Variants in FRYL observed in about 807,000 individuals in gnomAD.
FRYL encodes FRY like transcription coactivator, also known as protein furry homolog-like.
In FRYL, 150 loss-of-function variants were observed where a neutral mutation model predicts 351.2. That is an observed-to-expected ratio of 0.43 (90% CI 0.37 to 0.49). FRYL has a LOEUF of 0.49. FRYL is among the 20% of genes least tolerant of loss of function. FRYL has a pLI of 0.00. For missense variants in FRYL, 3,036 were observed against 3,619.3 expected (o/e 0.84, Z 4.13); for synonymous variants, 1,153 against 1,257.1 (o/e 0.92, Z 1.75).
At chr4:48,725,379 G>A (rs778176185) in intron 1 of FRYL, among the ~76,000 whole-genome samples, 23 of 152,144 alleles carry the variant, frequency 1.5e-4, no homozygotes, top group Non-Finnish European at 2.4e-4. Flanking sequence ...ATACAATCTC[G>A]TGTCAAGCTC....
At chr4:48,675,212 C>T (rs2149519175) in intron 3 of FRYL, among the ~76,000 whole-genome samples, 1 of 152,366 alleles carries the variant, frequency 6.6e-6, no homozygotes, top group Middle Eastern at 3.4e-3. Flanking sequence ...CTCTCGGCAC[C>T]TCCTCTGCCT....
intron 28 of FRYL, among the ~76,000 whole-genome samples, chr4:48,566,285 T>C (rs1736766533): frequency 6.6e-6 from 1 of 152,186 alleles, no homozygotes; most frequent in Admixed American, 6.5e-5. Flanking sequence ...ACACCAAAGT[T>C]TGAAAACCAC....
At chr4:48,631,557 C>G (rs1423969916) in intron 4 of FRYL, among the ~76,000 whole-genome samples, 2 of 151,870 alleles carry the variant, frequency 1.3e-5, no homozygotes, top group Non-Finnish European at 2.9e-5. Flanking sequence ...GAGTACCCAC[C>G]ACCACAAGCA....
At chr4:48,699,016 A>T (rs767477293) in intron 2 of FRYL, among the ~76,000 whole-genome samples, 13 of 152,158 alleles carry the variant, frequency 8.5e-5, no homozygotes, top group African/African-American at 3.1e-4. Context: ...TGCTTCACAT[A>T]TGTTACTTCA....
At chr4:48,776,232 C>T (rs1454619497) in intron 1 of FRYL, among the ~76,000 whole-genome samples, 2 of 151,498 alleles carry the variant, frequency 1.3e-5, no homozygotes, top group African/African-American at 4.8e-5. Context: ...AAGCCATCTT[C>T]CCGCCTCAGC....
chr4:48,716,901 A>T (rs1477185556), intron 1 of FRYL, among the ~76,000 whole-genome samples: 1 of 151,312 alleles, frequency 6.6e-6, no homozygotes, highest in Non-Finnish European at 1.5e-5. Flanking sequence ...GACTGGATTA[A>T]GAAAATGTGG....
intron 1 of FRYL, among the ~76,000 whole-genome samples, chr4:48,714,905 A>G (rs1230725479): frequency 6.7e-6 from 1 of 149,136 alleles, no homozygotes; most frequent in East Asian, 2.0e-4. Flanking sequence ...CCAGCAGCAC[A>G]TCAAAAAGCT....
intron 36 of FRYL, 121 bp downstream of exon 36, chr4:48,553,094 T>G: frequency 1.6e-6 from 1 of 622,886 alleles, no homozygotes; most frequent in Non-Finnish European, 2.7e-6. Context: ...TAAATTTTAT[T>G]GTATATATCT....
At chr4:48,768,295 A>G (rs1399444624) in intron 1 of FRYL, among the ~76,000 whole-genome samples, 5 of 152,244 alleles carry the variant, frequency 3.3e-5, no homozygotes, top group Admixed American at 6.5e-5. Flanking sequence ...TTTTACAAAG[A>G]AGGACAGATT....
Position 48,586,624 on chromosome 4 carries a change from G to A in FRYL, c.1745C>T (p.Ala582Val). 2 of 1,597,784 alleles carry A rather than the reference G, an allele frequency of 1.3e-6. No individual in the cohort carries two copies. Among genetic ancestry groups the A allele is most frequent in the Non-Finnish European group, 1.7e-6 (2 of 1,165,814 alleles). Residue 582 changes from alanine to valine, a missense_variant, in exon 19 of 64, where the codon GCA (alanine) becomes GTA (valine). By Grantham distance (64) the Ala-to-Val change is moderately conservative (BLOSUM62 0). Coordinates refer to ENST00000358350, the MANE Select transcript of FRYL (RefSeq NM_015030.2). ...MSRTDLIELL[A>V]RLTIHMDEEL... Reference sequence around the variant, plus strand: ...GCAAACAGTAATTCTCATTTACCTTGCTAACAATTCAATCAGGTCAGTTCT... The same window carrying A: ...GCAAACAGTAATTCTCATTTACCTTACTAACAATTCAATCAGGTCAGTTCT...
intron 13 of FRYL, among the ~76,000 whole-genome samples, chr4:48,596,247 A>G (rs1483049613): frequency 1.3e-5 from 2 of 152,146 alleles, no homozygotes; most frequent in African/African-American, 4.8e-5. Flanking sequence ...CTTATTAAAT[A>G]AAATTATACT....
intron 1 of FRYL, among the ~76,000 whole-genome samples, chr4:48,722,145 G>A (rs1769548753): frequency 6.6e-6 from 1 of 152,080 alleles, no homozygotes; most frequent in African/African-American, 2.4e-5. Context: ...AACTTTACCC[G>A]AGGAATTGTT....
intron 44 of FRYL, among the ~76,000 whole-genome samples, chr4:48,542,646 T>C (rs1172655072): frequency 6.6e-6 from 1 of 152,106 alleles, no homozygotes; most frequent in Admixed American, 6.5e-5. Flanking sequence ...GAACTCTTGA[T>C]CTCAGGTGAT....
intron 45 of FRYL, 135 bp from the exon 46 acceptor site, chr4:48,541,095 T>C: frequency 2.4e-6 from 2 of 819,200 alleles, no homozygotes; most frequent in Non-Finnish European, 3.6e-6. Flanking sequence ...CTTTGTTGAA[T>C]CAAATTTCAG....
Position 48,527,548 on chromosome 4 carries a change from T to A in FRYL, c.7246A>T (p.Asn2416Tyr). 1.2e-6 allele frequency: 2 copies of A among 1,613,376 alleles called. No individual in the cohort carries two copies. Among genetic ancestry groups the A allele is most frequent in the Non-Finnish European group, 1.7e-6 (2 of 1,179,534 alleles). ...ACACCAAACTGTTGTTCACTGCTAT[T>A]ATCTTCCACAGCTACTTCTTCCTCT... ...NQEEEVAVED[N>Y]SSEQQFGVFK... Residue 2416 changes from asparagine (N) to tyrosine (Y), a missense_variant, in exon 53 of 64, where the codon AAT becomes TAT. Around this residue, in one of 7 missense-constraint regions of FRYL, gnomAD observed 1,987 missense variants for 2,311.7 expected, o/e 0.86. Transcript: ENST00000358350.
chr4:48,573,272 A>C, intron 25 of FRYL, 29 bp from the exon 26 acceptor site: 1 of 1,398,854 alleles, frequency 7.1e-7, no homozygotes, highest in Non-Finnish European at 1.0e-6. Context: ...ATATTCTATT[A>C]ATAGCTACAC....
intron 38 of FRYL, 190 bp downstream of exon 38, chr4:48,550,402 A>T: frequency 1.9e-6 from 1 of 537,676 alleles, no homozygotes. Context: ...CCAGTGCTTT[A>T]AAAAAAATTT....
intron 16 of FRYL, among the ~76,000 whole-genome samples, chr4:48,591,664 A>G (rs1397058577): frequency 2.0e-5 from 3 of 152,080 alleles, no homozygotes. Context: ...TAAATGTTAG[A>G]CTGCTTCAAG....
intron 27 of FRYL, among the ~76,000 whole-genome samples, chr4:48,569,973 T>C (rs541503210): frequency 6.6e-6 from 1 of 152,268 alleles, no homozygotes; most frequent in Admixed American, 6.5e-5. Context: ...CCACTATTCC[T>C]GGCTGATTGT....
Sources: gnomAD v4.1 joint callset for allele counts (sites outside exome capture counted in the v4.1 genomes callset) on GRCh38, gnomAD v4.1.1 for gene constraint, gnomAD v4.1.1 regional missense constraint, MANE v1.5 for transcripts, NCBI Gene and HGNC (gene_info 2026-07-23, HGNC 2026-07-21) for gene names.